Variants in CCBE1 observed in about 807,000 individuals in gnomAD.
The protein encoded by CCBE1 is collagen and calcium binding EGF domains 1.
Under a neutral mutation model 50.0 loss-of-function variants are expected in CCBE1, and 37 were observed. The ratio of observed to expected loss-of-function variants is 0.74; its 90% CI spans 0.57 to 0.97. The LOEUF (loss-of-function observed/expected upper bound fraction) is 0.97, where lower values mean the gene tolerates loss of function less well. CCBE1 is among the 50% of genes least tolerant of loss of function. The probability of loss-of-function intolerance (pLI) is 0.00; values close to 1 mark genes in which losing one functional copy is unlikely to be tolerated. For synonymous variants in CCBE1, 234 were observed against 203.7 expected (o/e 1.15, Z -1.27); for missense variants, 538 against 523.8 (o/e 1.03, Z -0.26).
chr18:59,494,734 T>C (rs140681004), intron 2 of CCBE1, among the ~76,000 whole-genome samples: 1 of 152,276 alleles, frequency 6.6e-6, no homozygotes, highest in African/African-American at 2.4e-5. Flanking sequence ...GACTAGAAGG[T>C]ATTACATTCA....
At chr18:59,489,514 A>G (rs1418595754) in intron 2 of CCBE1, among the ~76,000 whole-genome samples, 1 of 152,152 alleles carries the variant, frequency 6.6e-6, no homozygotes, top group East Asian at 1.9e-4. Flanking sequence ...CCTGGGTTCA[A>G]GTGATTCTCC....
chr18:59,458,493 C>G (rs1190936269), intron 5 of CCBE1, among the ~76,000 whole-genome samples: 1 of 152,264 alleles, frequency 6.6e-6, no homozygotes, highest in Non-Finnish European at 1.5e-5. Flanking sequence ...TCAACAGCTT[C>G]ATGATAAGAT....
intron 2 of CCBE1, 98 bp downstream of exon 2, chr18:59,696,531 G>A (rs2054805840): frequency 2.5e-6 from 4 of 1,589,542 alleles, no homozygotes; most frequent in South Asian, 1.1e-5. Context: ...AAGCTGCTCC[G>A]GTCCCAAGCG....
chr18:59,659,179 C>A (rs2054248716), intron 2 of CCBE1, among the ~76,000 whole-genome samples: 1 of 152,098 alleles, frequency 6.6e-6, no homozygotes, highest in African/African-American at 2.4e-5. Flanking sequence ...GAGAAACGTT[C>A]TATGTAAGTA....
At chr18:59,439,977 A>G (rs1910346006) in intron 7 of CCBE1, among the ~76,000 whole-genome samples, 161 bp from the exon 8 acceptor site, 1 of 152,206 alleles carries the variant, frequency 6.6e-6, no homozygotes, top group African/African-American at 2.4e-5. Flanking sequence ...TTTAAACTTG[A>G]TACGATCAAA....
intron 3 of CCBE1, among the ~76,000 whole-genome samples, chr18:59,470,803 G>A (rs931637910): frequency 1.4e-4 from 21 of 152,146 alleles, no homozygotes; most frequent in African/African-American, 4.3e-4. Flanking sequence ...GACACAGAGC[G>A]AGTCTGGCTT....
At chr18:59,475,542 T>G (rs2143755552) in intron 3 of CCBE1, among the ~76,000 whole-genome samples, 1 of 152,318 alleles carries the variant, frequency 6.6e-6, no homozygotes, top group East Asian at 1.9e-4. Flanking sequence ...TTTTTACCTC[T>G]TGCAATGTCC....
chr18:59,538,499 A>C (rs1915339051), intron 2 of CCBE1, among the ~76,000 whole-genome samples: 1 of 152,234 alleles, frequency 6.6e-6, no homozygotes, highest in African/African-American at 2.4e-5. Context: ...TTTCTTGGCC[A>C]TCTGATTAAG....
At chr18:59,664,508 C>T (rs1031417700) in intron 2 of CCBE1, among the ~76,000 whole-genome samples, 4 of 152,166 alleles carry the variant, frequency 2.6e-5, no homozygotes, top group Non-Finnish European at 5.9e-5. Context: ...TGCAAGACAT[C>T]CACAATAAAC....
At chr18:59,494,600 G>A (rs6567089) in intron 2 of CCBE1, among the ~76,000 whole-genome samples, 2,930 of 152,108 alleles carry the variant, frequency 0.019, 80 homozygotes, top group African/African-American at 0.065. Flanking sequence ...AAAAATCAGA[G>A]AAGTCCAAGA....
At chr18:59,606,719 C>T (rs1317877010) in intron 2 of CCBE1, among the ~76,000 whole-genome samples, 1 of 152,098 alleles carries the variant, frequency 6.6e-6, no homozygotes, top group Non-Finnish European at 1.5e-5. Flanking sequence ...AAAAAACAAC[C>T]AATCATCTTT....
intron 2 of CCBE1, among the ~76,000 whole-genome samples, chr18:59,664,022 A>G (rs1004116601): frequency 1.8e-4 from 27 of 152,174 alleles, no homozygotes; most frequent in African/African-American, 6.5e-4. Context: ...TGGGTAACTT[A>G]TAAGGAACAG....
At chr18:59,689,995 TA>T (rs2054708002) in intron 2 of CCBE1, among the ~76,000 whole-genome samples, 3 of 152,114 alleles carry the variant, frequency 2.0e-5, no homozygotes, top group African/African-American at 7.2e-5. Flanking sequence ...AGTGTGACAT[TA>T]ATCAAATGTA....
chr18:59,611,366 C>T (rs917790617), intron 2 of CCBE1, among the ~76,000 whole-genome samples: 2 of 152,170 alleles, frequency 1.3e-5, no homozygotes, highest in Admixed American at 6.5e-5. Flanking sequence ...AAATGCATGG[C>T]CAAAGTTTTA....
intron 2 of CCBE1, among the ~76,000 whole-genome samples, chr18:59,558,784 A>C (rs2052688929): frequency 6.6e-6 from 1 of 152,228 alleles, no homozygotes; most frequent in South Asian, 2.1e-4. Context: ...GAAGGCAAGG[A>C]AGAGCTGACT....
At chr18:59,512,672 G>C (rs1914183880) in intron 2 of CCBE1, among the ~76,000 whole-genome samples, 3 of 152,246 alleles carry the variant, frequency 2.0e-5, no homozygotes, top group Admixed American at 2.0e-4. Context: ...CACTCTCAGG[G>C]ACTTTCTCAG....
At chr18:59,441,650 A>T (rs180960243) in intron 7 of CCBE1, among the ~76,000 whole-genome samples, 1 of 152,290 alleles carries the variant, frequency 6.6e-6, no homozygotes, top group African/African-American at 2.4e-5. Context: ...GTCTGAGCAG[A>T]TGAGGGATTT....
intron 2 of CCBE1, among the ~76,000 whole-genome samples, chr18:59,593,136 G>T (rs1019328922): frequency 9.8e-5 from 15 of 152,314 alleles, no homozygotes; most frequent in African/African-American, 3.6e-4. Flanking sequence ...ATTGTCCTGG[G>T]TGGTGGCCAC....
chr18:59,497,845 G>A (rs547049199), intron 2 of CCBE1, among the ~76,000 whole-genome samples: 64 of 152,308 alleles, frequency 4.2e-4, no homozygotes, highest in African/African-American at 1.5e-3. Flanking sequence ...AAAAGACAGA[G>A]AGGGGTATCT....
Sources: allele counts gnomAD v4.1 joint callset (sites outside exome capture counted in the v4.1 genomes callset), GRCh38; gene constraint gnomAD v4.1.1; transcripts MANE v1.5; gene names NCBI Gene and HGNC (gene_info 2026-07-23, HGNC 2026-07-21).